Variants in HAUS6 observed in about 807,000 individuals in gnomAD.
HAUS6 encodes the protein HAUS augmin like complex subunit 6, also known as HAUS augmin-like complex subunit 6.
In HAUS6, 80 loss-of-function variants were observed where a neutral mutation model predicts 106.8. The observed-to-expected ratio is 0.75, with a 90% CI of 0.63 to 0.90. The LOEUF is 0.90. Ranked by LOEUF, HAUS6 falls within the 40% of genes least tolerant of loss-of-function variation. HAUS6 has a pLI of 0.00. For missense variants in HAUS6, 1,155 were observed against 1,118.1 expected (o/e 1.03, Z -0.47); for synonymous variants, 356 against 379.1 (o/e 0.94, Z 0.71).
intron 1 of HAUS6, among the ~76,000 whole-genome samples, chr9:19,098,420 G>A (rs562616631): frequency 2.4e-4 from 31 of 127,148 alleles, no homozygotes; most frequent in Middle Eastern, 5.2e-3. Flanking sequence ...CCTGGCAAAA[G>A]AGCAAGACTT....
Position 19,093,239 on chromosome 9 carries a change from T to C in HAUS6, c.368A>G (p.Lys123Arg). Residue 123 changes from lysine to arginine, a missense_variant, in exon 4 of 17, where the codon AAG becomes AGG. Lys to Arg is a conservative substitution (Grantham distance 26, BLOSUM62 2). Coordinates refer to ENST00000380502, the MANE Select transcript of HAUS6 (RefSeq NM_017645.5). The stretch of plus-strand genomic sequence containing the variant: ...AAAATGATACATCAGATGAATAAAC[T>C]TAGGACCACCAGGAGAAAGAAATAG... ...GSLFLSPGGP[K>R]FIHLMYHFAR... The C allele has an allele frequency of 1.9e-6, 3 of 1,609,860 alleles. No individual in the cohort carries two copies. The highest frequency in any genetic ancestry group is 1.1e-5 in the South Asian group (1 of 90,624).
In HAUS6 at chr9:19,087,210, T is replaced by C. The variant is rs915085142; in HGVS notation, c.585-54A>G. On this transcript the variant is annotated intron_variant, in intron 5 of 16. Transcript: ENST00000380502. ...ATAATACCATTACGATTAATTAGTA[T>C]AGCCCACTTCTCTATTTTCCCTTTG... The C allele has an allele frequency of 2.8e-5, 27 of 955,922 alleles. 1 individual carries two copies. Among genetic ancestry groups the C allele is most frequent in the South Asian group, 2.0e-4 (15 of 76,114 alleles). 59.2% of individuals were successfully genotyped at this position (955,922 alleles called of 1,614,324 possible).
intron 2 of HAUS6, among the ~76,000 whole-genome samples, chr9:19,096,036 C>T (rs551654653): frequency 3.9e-5 from 6 of 152,040 alleles, no homozygotes; most frequent in East Asian, 1.9e-4. Flanking sequence ...CAAGTTCATA[C>T]GGATTGATAT....
At position 19,060,120 on chromosome 9, in the gene HAUS6, CTTG is replaced by C; in HGVS notation, c.1730_1732del (p.Thr577del). On this transcript the variant is annotated inframe_deletion, in exon 15 of 17. Transcript: ENST00000380502. ...TTCTGGAGTACGGGGAATCTGATTC[CTTG>C]TTAAGAAGGGGTTAGAACCCAGAGA... The C allele has an allele frequency of 6.2e-7, 1 of 1,606,156 alleles. No homozygotes were observed. The highest frequency in any genetic ancestry group is 8.5e-7 in the Non-Finnish European group (1 of 1,176,176).
chr9:19,075,043 T>G (rs1029934007), intron 11 of HAUS6, among the ~76,000 whole-genome samples: 1 of 152,230 alleles, frequency 6.6e-6, no homozygotes, highest in South Asian at 2.1e-4. Context: ...TACAATGGCA[T>G]GTATTCATAG....
At chr9:19,056,626 G>GGTCTT (rs1367231396) in intron 16 of HAUS6, 1 of 421,496 alleles carries the variant, frequency 2.4e-6, no homozygotes, top group East Asian at 4.0e-5. Context: ...TCTGCGACAG[G>GGTCTT]GTCTTGCTCT....
chr9:19,068,735 A>G (rs771744617), intron 12 of HAUS6, among the ~76,000 whole-genome samples: 5 of 152,150 alleles, frequency 3.3e-5, no homozygotes, highest in Non-Finnish European at 7.4e-5. Flanking sequence ...AAACTAATAA[A>G]GGAAAGTTTC....
intron 16 of HAUS6, 99 bp from the exon 17 acceptor site, chr9:19,056,503 C>A (rs1420401924): frequency 7.3e-6 from 5 of 688,040 alleles, no homozygotes; most frequent in Non-Finnish European, 5.2e-6. Flanking sequence ...AAAAAAGGTT[C>A]ATAGCTTTGC....
At position 19,102,688 on chromosome 9, in the gene HAUS6, C is replaced by T. The variant is rs1472672509; in HGVS notation, c.-37G>A. On this transcript the variant is annotated 5_prime_UTR_variant, in exon 1 of 17. Transcript: ENST00000380502. ...GCACGGTGGCTGCAAAGAAAGAAAG[C>T]GCAAGCCCAGGGGACTCGGAGGGCC... 22 of 1,600,492 alleles carry T rather than the reference C, an allele frequency of 1.4e-5. No homozygotes were observed. The highest frequency in any genetic ancestry group is 1.9e-5 in the Non-Finnish European group (22 of 1,173,074).
intron 4 of HAUS6, 117 bp downstream of exon 4, chr9:19,093,054 T>A: frequency 1.4e-6 from 1 of 710,548 alleles, no homozygotes; most frequent in Non-Finnish European, 2.3e-6. Context: ...CTTTTTGGGG[T>A]ACATTAATGT....
chr9:19,102,898 C>T lies in HAUS6; in HGVS notation c.-247G>A, dbSNP rs1009034106. 26 of 373,524 alleles carry T rather than the reference C, an allele frequency of 7.0e-5. No individual in the cohort carries two copies. Among genetic ancestry groups the T allele is most frequent in the African/African-American group, 5.1e-4 (24 of 47,524 alleles). The allele number at this position is 373,524 out of a possible 1,614,324, so 23.1% of individuals were successfully genotyped here. ...AGCCACCACAAACCGAGACTCCCGC[C>T]CTTAAGGAAGAGCAGTGTGCGCCGG... On this transcript the variant is annotated 5_prime_UTR_variant, in exon 1 of 17. Coordinates refer to ENST00000380502, the MANE Select transcript of HAUS6 (RefSeq NM_017645.5).
At position 19,060,145 on chromosome 9, in the gene HAUS6, G is replaced by C; in HGVS notation, c.1708C>G (p.Leu570Val). The C allele has an allele frequency of 1.2e-6, 2 of 1,604,636 alleles. No homozygotes were observed. Among genetic ancestry groups the C allele is most frequent in the Non-Finnish European group, 1.7e-6 (2 of 1,173,744 alleles). ...EIKLEELIDS[L>V]GSNPFLTRNQ... ...CTTGTTAAGAAGGGGTTAGAACCCA[G>C]AGAGTCAATTAGTTCCTCTAATTTT... Residue 570 changes from leucine (L) to valine (V), a missense_variant, in exon 15 of 17, where the codon CTG (leucine) becomes GTG (valine). Leu to Val is a conservative substitution (Grantham distance 32). Around this residue, in one of 3 missense-constraint regions of HAUS6, gnomAD observed 761 missense variants for 690.0 expected, o/e 1.10. Transcript: ENST00000380502.
At chr9:19,086,381 G>A (rs1837296360) in intron 7 of HAUS6, among the ~76,000 whole-genome samples, 1 of 151,994 alleles carries the variant, frequency 6.6e-6, no homozygotes, top group Admixed American at 6.6e-5. Context: ...AGCACTTTGG[G>A]AGGCCAAGGC....
intron 16 of HAUS6, 145 bp downstream of exon 16, chr9:19,057,816 G>A: frequency 1.7e-6 from 1 of 592,438 alleles, no homozygotes; most frequent in Non-Finnish European, 3.0e-6. Flanking sequence ...CCTGTCCAGT[G>A]AGGGATCATT....
At chr9:19,069,459 C>T (rs565866391) in intron 12 of HAUS6, among the ~76,000 whole-genome samples, 5 of 152,156 alleles carry the variant, frequency 3.3e-5, no homozygotes, top group Non-Finnish European at 5.9e-5. Flanking sequence ...GAGGCCAAGG[C>T]GGGTAGATCA....
At chr9:19,066,021 C>T (rs1191791491) in intron 12 of HAUS6, among the ~76,000 whole-genome samples, 11 of 150,946 alleles carry the variant, frequency 7.3e-5, no homozygotes, top group Non-Finnish European at 1.0e-4. Flanking sequence ...CTGCAACCTC[C>T]GCCTCCTGGG....
intron 12 of HAUS6, among the ~76,000 whole-genome samples, chr9:19,065,268 C>T (rs909903616): frequency 3.9e-5 from 6 of 152,202 alleles, no homozygotes; most frequent in South Asian, 2.1e-4. Flanking sequence ...CTTTATACTT[C>T]GTCCATTTGC....
chr9:19,079,771 C>T (rs1378680743), intron 9 of HAUS6, among the ~76,000 whole-genome samples: 5 of 151,144 alleles, frequency 3.3e-5, no homozygotes, highest in East Asian at 2.0e-4. Flanking sequence ...GGCGTGATGG[C>T]GCGTGCCTGT....
In HAUS6 at chr9:19,058,320, A is replaced by G. The variant is rs1836526191; in HGVS notation, c.2447T>C (p.Val816Ala). 1 of 1,613,704 alleles carries G rather than the reference A, an allele frequency of 6.2e-7. No individual in the cohort carries two copies. Reference protein sequence around the residue: ...PMHGGTLLEDVVGGRQTTPES... With the variant: ...PMHGGTLLEDAVGGRQTTPES... The stretch of plus-strand genomic sequence containing the variant: ...TGGAGTAGTCTGTCTCCCTCCCACA[A>G]CATCTTCTAGAAGAGTGCCACCATG... Residue 816 changes from valine to alanine, a missense_variant, in exon 16 of 17, where the codon GTT (valine) becomes GCT (alanine). Physicochemically the swap from Val to Ala is moderately conservative, Grantham distance 64. This residue lies in a region of HAUS6 where 380 missense variants were observed against 394.8 expected (regional missense o/e 0.96). Transcript: ENST00000380502.
Sources: gnomAD v4.1 joint callset for allele counts (sites outside exome capture counted in the v4.1 genomes callset) on GRCh38, gnomAD v4.1.1 for gene constraint, gnomAD v4.1.1 regional missense constraint, MANE v1.5 for transcripts, NCBI Gene and HGNC (gene_info 2026-07-23, HGNC 2026-07-21) for gene names.